The following PTPRD variants were observed in gnomAD, a reference collection of about 807,000 sequenced individuals.
The protein encoded by PTPRD is receptor-type tyrosine-protein phosphatase delta.
A neutral mutation model predicts 214.5 loss-of-function variants in PTPRD; 34 were observed. The ratio of observed to expected loss-of-function variants is 0.16; its 90% CI spans 0.12 to 0.21. PTPRD has a LOEUF of 0.21. Ranked by LOEUF, PTPRD falls within the 10% of genes least tolerant of loss-of-function variation. The pLI, the probability that PTPRD is intolerant of heterozygous loss-of-function variation, is 1.00. For missense variants in PTPRD, 2,545 were observed against 2,398.7 expected, an observed-to-expected ratio of 1.06 and a Z score of -1.27; for synonymous variants, 1,128 against 845.7, an observed-to-expected ratio of 1.33 and a Z score of -5.79.
At chr9:9,140,793 T>C (rs144822020) in intron 10 of PTPRD, among the ~76,000 whole-genome samples, 4,936 of 152,198 alleles carry the variant, frequency 0.032, 125 homozygotes, top group Middle Eastern at 0.092. Context: ...TTAGCCAGGA[T>C]GGTCTCGATC....
intron 4 of PTPRD, among the ~76,000 whole-genome samples, chr9:9,950,434 G>T (rs115568182): frequency 1.0e-5 from 1 of 96,318 alleles, no homozygotes; most frequent in Non-Finnish European, 1.8e-5. Context: ...CTTTTAAGAA[G>T]AAAGTGGAGG....
At chr9:9,504,437 A>G (rs2096523651) in intron 8 of PTPRD, among the ~76,000 whole-genome samples, 1 of 151,690 alleles carries the variant, frequency 6.6e-6, no homozygotes, top group African/African-American at 2.4e-5. Flanking sequence ...TTCCAAATGT[A>G]TCTTAAGCCA....
At chr9:9,785,820 C>G (rs755679321) in intron 5 of PTPRD, among the ~76,000 whole-genome samples, 5 of 151,950 alleles carry the variant, frequency 3.3e-5, no homozygotes, top group Admixed American at 6.6e-5. Context: ...TTAGGGGAAG[C>G]TGGATATGGG....
chr9:8,763,987 G>C (rs1324623370), intron 11 of PTPRD, among the ~76,000 whole-genome samples: 1 of 152,130 alleles, frequency 6.6e-6, no homozygotes, highest in Non-Finnish European at 1.5e-5. Flanking sequence ...AGTTTCAAGA[G>C]TTCATTAAAA....
chr9:9,220,957 A>G (rs1428006596), intron 9 of PTPRD, among the ~76,000 whole-genome samples: 1 of 152,078 alleles, frequency 6.6e-6, no homozygotes. Flanking sequence ...ACTGATTGGC[A>G]GCAGCCAGGA....
At chr9:9,242,752 T>C (rs904279174) in intron 9 of PTPRD, among the ~76,000 whole-genome samples, 1 of 152,098 alleles carries the variant, frequency 6.6e-6, no homozygotes, top group South Asian at 2.1e-4. Flanking sequence ...CTAATCTTTT[T>C]TCAATGTTTT....
At chr9:9,852,099 C>T (rs1168763983) in intron 5 of PTPRD, among the ~76,000 whole-genome samples, 3 of 151,068 alleles carry the variant, frequency 2.0e-5, no homozygotes, top group African/African-American at 7.3e-5. Context: ...AAGGGAAGAT[C>T]GATGCATTAA....
In PTPRD at chr9:8,642,469, C is replaced by T. The variant is rs181905331; in HGVS notation, c.65-5625G>A. ...ACAGGGAGAGAATGTTCAGTGGGAACATGCAGGTACCCCTGTCTTTAGCAA... is the reference window on the plus strand; with the variant it reads ...ACAGGGAGAGAATGTTCAGTGGGAATATGCAGGTACCCCTGTCTTTAGCAA... On this transcript the variant is annotated intron_variant, in intron 12 of 45. Transcript: ENST00000381196. Among the ~76,000 whole-genome samples, 13 of 152,238 alleles carry T rather than the reference C, an allele frequency of 8.5e-5. No homozygotes were observed. In the East Asian group the frequency reaches 2.1e-3, roughly 25 times the overall value.
intron 9 of PTPRD, among the ~76,000 whole-genome samples, chr9:9,319,437 G>A (rs1027143462): frequency 1.3e-5 from 2 of 152,114 alleles, no homozygotes; most frequent in African/African-American, 4.8e-5. Flanking sequence ...AAAAATAAAA[G>A]ATGAAAACAC....
chr9:9,627,140 C>A (rs1231547371), intron 7 of PTPRD, among the ~76,000 whole-genome samples: 3 of 152,100 alleles, frequency 2.0e-5, no homozygotes, highest in Non-Finnish European at 1.5e-5. Context: ...ATGGTGAAAC[C>A]CCATCTCTAC....
At chr9:8,481,075 G>A (rs933750701) in intron 30 of PTPRD, among the ~76,000 whole-genome samples, 1 of 145,858 alleles carries the variant, frequency 6.9e-6, no homozygotes, top group East Asian at 2.0e-4. Flanking sequence ...AGAAGGCGGA[G>A]CTTGCAGTGA....
In PTPRD at chr9:10,361,139, G is replaced by T. The variant is rs150407503; in HGVS notation, c.-599-20122C>A. Reference sequence around the variant, plus strand: ...CAAATAAACAAAAAATTGTCATTAAGACCCCTTATTTTGAAAGTCAAAAAG... The same window carrying T: ...CAAATAAACAAAAAATTGTCATTAATACCCCTTATTTTGAAAGTCAAAAAG... On this transcript the variant is annotated intron_variant, in intron 2 of 45. Coordinates refer to ENST00000381196, the MANE Select transcript of PTPRD (RefSeq NM_002839.4). Among the ~76,000 whole-genome samples, 74 of 152,168 alleles carry T rather than the reference G, an allele frequency of 4.9e-4. No homozygotes were observed. The East Asian group carries it at 0.011, about 23-fold the overall frequency.
At chr9:9,610,851 T>A (rs75485680) in intron 7 of PTPRD, among the ~76,000 whole-genome samples, 1 of 152,098 alleles carries the variant, frequency 6.6e-6, no homozygotes, top group Admixed American at 6.6e-5. Context: ...TTAGTAAAAG[T>A]TTTGAACTTT....
At chr9:9,441,891 G>A (rs1466465646) in intron 8 of PTPRD, among the ~76,000 whole-genome samples, 1 of 152,208 alleles carries the variant, frequency 6.6e-6, no homozygotes, top group African/African-American at 2.4e-5. Context: ...TATGTGATAT[G>A]GTATTTGAGC....
At chr9:9,775,270 A>G (rs2098788297) in intron 5 of PTPRD, among the ~76,000 whole-genome samples, 1 of 152,164 alleles carries the variant, frequency 6.6e-6, no homozygotes, top group African/African-American at 2.4e-5. Flanking sequence ...CAGACATATC[A>G]CCATTAATAC....
chr9:8,461,349 T>C (rs1029946821), intron 32 of PTPRD, among the ~76,000 whole-genome samples: 1 of 152,114 alleles, frequency 6.6e-6, no homozygotes, highest in Non-Finnish European at 1.5e-5. Context: ...CAACTGATAA[T>C]ATACTTTTTA....
At chr9:10,085,449 T>C (rs1282643349) in intron 3 of PTPRD, among the ~76,000 whole-genome samples, 1 of 151,874 alleles carries the variant, frequency 6.6e-6, no homozygotes, top group East Asian at 1.9e-4. Flanking sequence ...GACAGAAAGA[T>C]TGAGTTCTTC....
At chr9:9,690,108 AC>A in intron 7 of PTPRD, among the ~76,000 whole-genome samples, 1 of 151,784 alleles carries the variant, frequency 6.6e-6, no homozygotes, top group East Asian at 1.9e-4. Context: ...ACTCCTTCCC[AC>A]ATTGTATGGG....
At chr9:8,789,759 G>C (rs1014589661) in intron 11 of PTPRD, among the ~76,000 whole-genome samples, 1 of 152,030 alleles carries the variant, frequency 6.6e-6, no homozygotes, top group Non-Finnish European at 1.5e-5. Context: ...ATATCGGGAG[G>C]GGGTGGAATT....
Sources: gnomAD v4.1 joint callset for allele counts (sites outside exome capture counted in the v4.1 genomes callset) on GRCh38, gnomAD v4.1.1 for gene constraint, MANE v1.5 for transcripts, NCBI Gene and HGNC (gene_info 2026-07-23, HGNC 2026-07-21) for gene names.